Variants in CES5A observed in about 807,000 individuals in gnomAD.
CES5A encodes carboxylesterase 5A, also known as carboxylesterase 5.
Under a neutral mutation model 62.9 loss-of-function variants are expected in CES5A, and 67 were observed. The observed-to-expected ratio is 1.07, with a 90% CI of 0.88 to 1.31. The LOEUF is 1.31. Among genes scored for constraint, CES5A ranks in the 50% most tolerant of loss-of-function variants. The probability of loss-of-function intolerance (pLI) is 0.00; values close to 1 mark genes in which losing one functional copy is unlikely to be tolerated. For missense variants in CES5A, 748 were observed against 708.5 expected, an observed-to-expected ratio of 1.06 and a Z score of -0.63; for synonymous variants, 296 against 280.8, an observed-to-expected ratio of 1.05 and a Z score of -0.54.
At chr16:55,919,784 A>G (rs1323118204) in intron 1 of CES5A, among the ~76,000 whole-genome samples, 1 of 152,214 alleles carries the variant, frequency 6.6e-6, no homozygotes, top group African/African-American at 2.4e-5. Context: ...AACCAACCCA[A>G]CTGTAGAATT....
At chr16:55,855,528 T>A (rs2033223216) in intron 9 of CES5A, among the ~76,000 whole-genome samples, 1 of 152,160 alleles carries the variant, frequency 6.6e-6, no homozygotes, top group Non-Finnish European at 1.5e-5. Context: ...CCCATGTGTG[T>A]TTCAGCATTC....
At chr16:55,916,226 G>A (rs887231773) in intron 1 of CES5A, among the ~76,000 whole-genome samples, 3 of 152,248 alleles carry the variant, frequency 2.0e-5, no homozygotes, top group African/African-American at 4.8e-5. Flanking sequence ...CTAAGGTAGC[G>A]ATGTTATCTG....
At chr16:55,911,351 G>A (rs1443896165) in intron 1 of CES5A, among the ~76,000 whole-genome samples, 1 of 152,132 alleles carries the variant, frequency 6.6e-6, no homozygotes, top group East Asian at 1.9e-4. Context: ...TAGCTACAAG[G>A]GAGGCTGGAA....
intron 1 of CES5A, among the ~76,000 whole-genome samples, chr16:55,906,219 C>T (rs773426301): frequency 1.3e-5 from 2 of 152,242 alleles, no homozygotes; most frequent in Admixed American, 6.5e-5. Context: ...AACAAGACAA[C>T]GTCTGACTGA....
At chr16:55,877,160 G>A (rs2033706885), upstream of CES5A, among the ~76,000 whole-genome samples, 1 of 152,154 alleles carries the variant, frequency 6.6e-6, no homozygotes, top group African/African-American at 2.4e-5. Flanking sequence ...TCCCACTCAT[G>A]TGGTCCTATT....
chr16:55,895,348 A>G (rs530102423), intron 1 of CES5A, among the ~76,000 whole-genome samples: 1 of 152,366 alleles, frequency 6.6e-6, no homozygotes, highest in Admixed American at 6.5e-5. Context: ...GAGGAGCTGC[A>G]TGGGCTGTGT....
At chr16:55,944,277 C>T in intron 2 of CES5A, 1 of 601,180 alleles carries the variant, frequency 1.7e-6, no homozygotes, top group Non-Finnish European at 3.0e-6. Flanking sequence ...GAGTTAATGG[C>T]CCCTGGTGAC....
At chr16:55,903,810 TAAAGCCA>T (rs2034013771) in intron 1 of CES5A, among the ~76,000 whole-genome samples, 2 of 152,182 alleles carry the variant, frequency 1.3e-5, no homozygotes, top group African/African-American at 4.8e-5. Context: ...TTAACTGGCT[TAAAGCCA>T]TCAAAGAAAT....
intron 3 of CES5A, among the ~76,000 whole-genome samples, chr16:55,870,163 G>A (rs184507270): frequency 7.2e-5 from 11 of 152,230 alleles, no homozygotes; most frequent in Non-Finnish European, 1.2e-4. Context: ...TGTGACCCAC[G>A]GGAAGATGGA....
chr16:55,901,788 T>C (rs2142442395), intron 1 of CES5A, among the ~76,000 whole-genome samples: 1 of 152,320 alleles, frequency 6.6e-6, no homozygotes, highest in South Asian at 2.1e-4. Context: ...CAAGGGCTCT[T>C]GCAAATGTTT....
chr16:55,865,485 G>A (rs1442557520), intron 5 of CES5A, among the ~76,000 whole-genome samples: 3 of 152,142 alleles, frequency 2.0e-5, no homozygotes, highest in African/African-American at 7.2e-5. Context: ...TTTTGCAGGT[G>A]GTTTATGCAA....
chr16:55,854,544 C>CTTTTTTT (rs56017491), intron 9 of CES5A, among the ~76,000 whole-genome samples: 678 of 64,334 alleles, frequency 0.011, 120 homozygotes, highest in African/African-American at 0.044. Flanking sequence ...TTTTTTTTTT[C>CTTTTTTT]TTTTTTTTTT....
intron 1 of CES5A, among the ~76,000 whole-genome samples, chr16:55,904,364 C>T (rs574590261): frequency 2.6e-5 from 4 of 152,242 alleles, no homozygotes; most frequent in African/African-American, 9.6e-5. Flanking sequence ...AGGATGGGGG[C>T]AGAACTGAAC....
At chr16:55,854,118 A>G (rs191419810) in intron 9 of CES5A, among the ~76,000 whole-genome samples, 386 of 152,278 alleles carry the variant, frequency 2.5e-3, no homozygotes, top group South Asian at 0.024. Context: ...TATAGATGCT[A>G]TGTGGAGTCT....
chr16:55,940,788 A>T (rs2034437409), intron 2 of CES5A, among the ~76,000 whole-genome samples: 1 of 151,164 alleles, frequency 6.6e-6, no homozygotes, highest in Admixed American at 6.6e-5. Context: ...TAGCAACCAA[A>T]TTAAAAAAAC....
intron 2 of CES5A, among the ~76,000 whole-genome samples, chr16:55,930,533 C>T (rs372360720): frequency 2.6e-5 from 4 of 152,260 alleles, no homozygotes; most frequent in South Asian, 2.1e-4. Flanking sequence ...CCATGTGATG[C>T]CTTGTGCCAC....
At chr16:55,865,561 G>T (rs541730100) in intron 5 of CES5A, among the ~76,000 whole-genome samples, 4 of 152,196 alleles carry the variant, frequency 2.6e-5, no homozygotes, top group Non-Finnish European at 5.9e-5. Context: ...GTATCAAACT[G>T]TTGGTGAGGG....
At chr16:55,888,274 C>CA (rs1363861873) in intron 1 of CES5A, among the ~76,000 whole-genome samples, 1 of 152,136 alleles carries the variant, frequency 6.6e-6, no homozygotes, top group African/African-American at 2.4e-5. Flanking sequence ...AATTTCACCT[C>CA]AATTACGGGC....
intron 3 of CES5A, among the ~76,000 whole-genome samples, chr16:55,871,287 A>T (rs2033577823): frequency 6.6e-6 from 1 of 152,198 alleles, no homozygotes; most frequent in Non-Finnish European, 1.5e-5. Flanking sequence ...GGATAAAATT[A>T]TTCTTTTTGA....
Sources: gnomAD v4.1 joint callset for allele counts (sites outside exome capture counted in the v4.1 genomes callset) on GRCh38, gnomAD v4.1.1 for gene constraint, MANE v1.5 for transcripts, NCBI Gene and HGNC (gene_info 2026-07-23, HGNC 2026-07-21) for gene names.